STAT4: variants seen among roughly 807,000 people sequenced by gnomAD.
The protein encoded by STAT4 is signal transducer and activator of transcription 4.
A neutral mutation model predicts 110.5 loss-of-function variants in STAT4; 42 were observed. That is an observed-to-expected ratio of 0.38 (90% CI 0.30 to 0.49). The LOEUF (loss-of-function observed/expected upper bound fraction) is 0.49, where lower values mean the gene tolerates loss of function less well. STAT4 is among the 20% of genes least tolerant of loss of function. The probability of loss-of-function intolerance (pLI) is 0.95; values close to 1 mark genes in which losing one functional copy is unlikely to be tolerated. For missense variants in STAT4, 632 were observed against 887.9 expected (o/e 0.71, Z 3.66); for synonymous variants, 284 against 302.2 (o/e 0.94, Z 0.63).
chr2:191,146,158 G>A lies in STAT4; in HGVS notation c.273+455C>T, dbSNP rs559018380. Among the ~76,000 whole-genome samples the A allele has an allele frequency of 1.7e-4, 26 of 152,202 alleles. No individual in the cohort carries two copies. The highest frequency in any genetic ancestry group is 2.8e-4 in the Non-Finnish European group (19 of 68,034). On this transcript the variant is annotated intron_variant, in intron 3 of 23. Coordinates refer to ENST00000392320, the MANE Select transcript of STAT4 (RefSeq NM_003151.4). This position sits in a 1 kb window ranked among gnomAD's most constrained non-coding sequence, Gnocchi z 4.5. ...ATGGGCTCTGCCTGGGTGAACCAGA[G>A]AGTACCAAAGAACACTTTTAAAGGA... is the stretch of plus-strand genomic sequence containing the variant.
rs576721360 is a variant in STAT4, at chr2:191,042,449, T to C, written c.1252-1301A>G. 2.6e-5 allele frequency among the ~76,000 whole-genome samples: 4 copies of C among 152,320 alleles called. No homozygotes were observed. The South Asian group carries it at 8.3e-4, about 32-fold the overall frequency. ...TCAACCGTTTGTAATGGGAAGATAG[T>C]GCTTAGATACTGATTTGAACAAACC... On this transcript the variant is annotated intron_variant, in intron 14 of 23. Transcript: ENST00000392320. This position sits in a 1 kb window ranked among gnomAD's most constrained non-coding sequence, Gnocchi z 4.2.
chr2:191,034,511 A>C, intron 18 of STAT4, 37 bp downstream of exon 18: 1 of 1,543,460 alleles, frequency 6.5e-7, no homozygotes, highest in Non-Finnish European at 9.0e-7. Flanking sequence ...TGTATTAAAA[A>C]AATGTATCTA....
Position 191,099,581 on chromosome 2 carries a change from GAC to G in STAT4, c.274-23258_274-23257del, listed in dbSNP as rs1698100305. ...ATAATAAAATTTCATTTTTGTAAAT[GAC>G]AAAATATTTCATCATTTACAAAATT... On this transcript the variant is annotated intron_variant, in intron 3 of 23. Transcript: ENST00000392320. The surrounding 1 kb of genome is among the most constrained non-coding windows in gnomAD (Gnocchi z 4.1). Among the ~76,000 whole-genome samples the G allele has an allele frequency of 1.3e-5, 2 of 151,772 alleles. No homozygotes were observed. Among genetic ancestry groups the G allele is most frequent in the African/African-American group, 4.9e-5 (2 of 41,184 alleles).
rs1696995219 is a variant in STAT4, at chr2:191,066,658, A to G, written c.545-143T>C. 3.2e-6 allele frequency: 2 copies of G among 631,852 alleles called. No individual in the cohort carries two copies. The highest frequency in any genetic ancestry group is 5.4e-6 in the Non-Finnish European group (2 of 370,840). 39.1% of individuals were successfully genotyped at this position (631,852 alleles called of 1,614,324 possible). A position where few individuals can be genotyped will look rare whatever the true frequency, so the allele number is the denominator to read the frequency against. ...TGGGTTCACTAGAGGTGAGCTTGGA[A>G]GTCTGTCTGCTCATTTTGCCAGGGA... On this transcript the variant is annotated intron_variant, in intron 6 of 23. Transcript: ENST00000392320. The surrounding 1 kb of genome is among the most constrained non-coding windows in gnomAD (Gnocchi z 4.3).
chr2:191,076,652 T>C (rs867162588), intron 3 of STAT4, among the ~76,000 whole-genome samples: 4 of 150,946 alleles, frequency 2.6e-5, no homozygotes, highest in Non-Finnish European at 5.9e-5. Context: ...TTTTTTCTTT[T>C]TTTTTTTTTT....
chr2:191,034,695 T>C (rs1293924561), intron 17 of STAT4, 98 bp from the exon 18 acceptor site: 1 of 855,290 alleles, frequency 1.2e-6, no homozygotes. Flanking sequence ...TTCAAGCATT[T>C]CTTAAGCACT....
chr2:191,084,593 A>G (rs1697583305), intron 3 of STAT4, among the ~76,000 whole-genome samples: 1 of 152,164 alleles, frequency 6.6e-6, no homozygotes, highest in African/African-American at 2.4e-5. Flanking sequence ...CTCTAGTTAA[A>G]AAGTGTTTAA....
At position 191,090,258 on chromosome 2, in the gene STAT4, T is replaced by C. The variant is rs949699320; in HGVS notation, c.274-13933A>G. Among the ~76,000 whole-genome samples the C allele has an allele frequency of 6.6e-6, 1 of 152,076 alleles. No homozygotes were observed. The highest frequency in any genetic ancestry group is 1.5e-5 in the Non-Finnish European group (1 of 68,010). On this transcript the variant is annotated intron_variant, in intron 3 of 23. Coordinates refer to ENST00000392320, the MANE Select transcript of STAT4 (RefSeq NM_003151.4). This position sits in a 1 kb window ranked among gnomAD's most constrained non-coding sequence, Gnocchi z 4.2. Reference sequence around the variant, plus strand: ...AAATCCTTTTTATTTTCTGAAATTGTCTTACTAAAAAGTTTCAGTTCTCAT... The same window carrying C: ...AAATCCTTTTTATTTTCTGAAATTGCCTTACTAAAAAGTTTCAGTTCTCAT...
rs751526579 is a variant in STAT4, at chr2:191,107,225, C to T, written c.274-30900G>A. Among the ~76,000 whole-genome samples the T allele has an allele frequency of 2.0e-5, 3 of 152,120 alleles. No individual in the cohort carries two copies. Among genetic ancestry groups the T allele is most frequent in the Non-Finnish European group, 2.9e-5 (2 of 68,012 alleles). ...TGGTATGATAGTAGTCATTTTATCC[C>T]CAGGGTCAAACCTAGCATGCTGACC... On this transcript the variant is annotated intron_variant, in intron 3 of 23. Coordinates refer to ENST00000392320, the MANE Select transcript of STAT4 (RefSeq NM_003151.4). The surrounding 1 kb of genome is among the most constrained non-coding windows in gnomAD (Gnocchi z 4.2).
chr2:191,038,892 C>G (rs1696114981), intron 16 of STAT4, among the ~76,000 whole-genome samples: 1 of 152,180 alleles, frequency 6.6e-6, no homozygotes, highest in Non-Finnish European at 1.5e-5. Context: ...TTTCCTTCAG[C>G]TTAGTTAACA....
chr2:191,125,641 G>T (rs959419556), intron 3 of STAT4, among the ~76,000 whole-genome samples: 1 of 151,716 alleles, frequency 6.6e-6, no homozygotes, highest in Non-Finnish European at 1.5e-5. Context: ...GTGTACGCAC[G>T]CTACCATGCC....
rs941724788 is a variant in STAT4, at chr2:191,059,887, C to T, written c.1035-1118G>A. On this transcript the variant is annotated intron_variant, in intron 10 of 23. Coordinates refer to ENST00000392320, the MANE Select transcript of STAT4 (RefSeq NM_003151.4). The surrounding 1 kb of genome is among the most constrained non-coding windows in gnomAD (Gnocchi z 4.7). The stretch of plus-strand genomic sequence containing the variant: ...ACATAAAATCAGGCCAGATGTTTTT[C>T]CTCTCCACCTTCCTTTTTATACCAC... Among the ~76,000 whole-genome samples the T allele has an allele frequency of 6.6e-6, 1 of 152,124 alleles. No homozygotes were observed. The highest frequency in any genetic ancestry group is 2.4e-5 in the African/African-American group (1 of 41,428).
chr2:191,092,683 A>C (rs1697833286), intron 3 of STAT4, among the ~76,000 whole-genome samples: 1 of 152,066 alleles, frequency 6.6e-6, no homozygotes, highest in South Asian at 2.1e-4. Flanking sequence ...GGTTCATCTC[A>C]TTGGGACTGG....
rs190019883 is a variant in STAT4 at position 191,046,062 on chromosome 2, T to C, written c.1252-4914A>G. ...CACTAGGGAGGGGATGCTTACACTA[T>C]GCAAAACACGAGACAACTGAAGAAT... On this transcript the variant is annotated intron_variant, in intron 14 of 23. Coordinates refer to ENST00000392320, the MANE Select transcript of STAT4 (RefSeq NM_003151.4). This position sits in a 1 kb window ranked among gnomAD's most constrained non-coding sequence, Gnocchi z 4.6. Among the ~76,000 whole-genome samples the C allele has an allele frequency of 3.1e-4, 47 of 152,330 alleles. No homozygotes were observed. Among genetic ancestry groups the C allele is most frequent in the Admixed American group, 2.1e-3 (32 of 15,304 alleles).
At position 191,062,003 on chromosome 2, in the gene STAT4, A is replaced by C. The variant is rs571820557; in HGVS notation, c.942-182T>G. Among the ~76,000 whole-genome samples the C allele has an allele frequency of 2.0e-5, 3 of 152,334 alleles. No homozygotes were observed. Among genetic ancestry groups the C allele is most frequent in the Non-Finnish European group, 2.9e-5 (2 of 68,030 alleles). ...TTTTATAAATCATTTCACAGCAGTA[A>C]ATGATTCTTAATTGTTATAATTGAG... On this transcript the variant is annotated intron_variant, in intron 9 of 23. Coordinates refer to ENST00000392320, the MANE Select transcript of STAT4 (RefSeq NM_003151.4). The surrounding 1 kb of genome is among the most constrained non-coding windows in gnomAD (Gnocchi z 4.9).
At position 191,066,310 on chromosome 2, in the gene STAT4, CG is replaced by C; in HGVS notation, c.630+119del. The C allele has an allele frequency of 1.2e-6, 1 of 867,964 alleles. No individual in the cohort carries two copies. The highest frequency in any genetic ancestry group is 1.8e-6 in the Non-Finnish European group (1 of 552,490). The allele number at this position is 867,964 out of a possible 1,614,324, so 53.8% of individuals were successfully genotyped here. A position where few individuals can be genotyped will look rare whatever the true frequency, so the allele number is the denominator to read the frequency against. On this transcript the variant is annotated intron_variant, in intron 7 of 23. Coordinates refer to ENST00000392320, the MANE Select transcript of STAT4 (RefSeq NM_003151.4). The surrounding 1 kb of genome is among the most constrained non-coding windows in gnomAD (Gnocchi z 4.3). ...GTGGGACTGTTCCTAGAAACCTTGC[CG>C]TTTCTTCATTCAGTAAATGGAACTG...
chr2:191,039,495 A>G lies in STAT4; in HGVS notation c.1336-198T>C, dbSNP rs148883745. Among the ~76,000 whole-genome samples the G allele has an allele frequency of 7.9e-4, 120 of 152,322 alleles. No homozygotes were observed. The highest frequency in any genetic ancestry group is 2.4e-3 in the African/African-American group (101 of 41,584). ...AGCATGCATAAGTAAGGGCACAGAG[A>G]GGAAAGAGCAGGAATCCTTTCAGAG... On this transcript the variant is annotated intron_variant, in intron 15 of 23. Coordinates refer to ENST00000392320, the MANE Select transcript of STAT4 (RefSeq NM_003151.4). This position sits in a 1 kb window ranked among gnomAD's most constrained non-coding sequence, Gnocchi z 4.7.
chr2:191,080,931 T>C (rs752359902), intron 3 of STAT4, among the ~76,000 whole-genome samples: 1 of 152,276 alleles, frequency 6.6e-6, no homozygotes, highest in South Asian at 2.1e-4. Flanking sequence ...CCATGATGGT[T>C]TGCTGCACTC....
intron 3 of STAT4, among the ~76,000 whole-genome samples, chr2:191,085,619 A>G (rs746512549): frequency 2.0e-5 from 3 of 152,198 alleles, no homozygotes; most frequent in Non-Finnish European, 4.4e-5. Flanking sequence ...AACTTTTGTC[A>G]TCCACAAACA....
Sources: gnomAD v4.1 joint callset for allele counts (sites outside exome capture counted in the v4.1 genomes callset) on GRCh38, gnomAD v4.1.1 for gene constraint, Gnocchi (gnomAD v3.1) non-coding constraint, MANE v1.5 for transcripts, NCBI Gene and HGNC (gene_info 2026-07-23, HGNC 2026-07-21) for gene names.